Variants in SPIN1 observed in about 807,000 individuals in gnomAD.
The protein encoded by SPIN1 is spindlin-1.
In SPIN1, 3 loss-of-function variants were observed where a neutral mutation model predicts 26.0. That is an observed-to-expected ratio of 0.12 (90% CI 0.05 to 0.30). The LOEUF (loss-of-function observed/expected upper bound fraction) is 0.30. SPIN1 is among the 10% of genes least tolerant of loss of function. The pLI is 1.00. For missense variants in SPIN1, 126 were observed against 333.4 expected (o/e 0.38, Z 4.84); for synonymous variants, 101 against 116.5 (o/e 0.87, Z 0.86).
intron 1 of SPIN1, among the ~76,000 whole-genome samples, chr9:88,408,971 TTGTGTGTGTTTGTG>T (rs1460378133): frequency 1.6e-5 from 2 of 122,556 alleles, no homozygotes; most frequent in East Asian, 4.2e-4. Context: ...CCTTTTGTGT[TTGTGTGTGTTTGTG>T]TGTGTGTGTG....
chr9:88,425,988 T>C lies in SPIN1; in HGVS notation c.-158-394T>C, dbSNP rs183640552. 3.3e-5 allele frequency among the ~76,000 whole-genome samples: 5 copies of C among 152,306 alleles called. No homozygotes were observed. In the East Asian group the frequency reaches 7.7e-4, roughly 24 times the overall value. ...GTCTCCCACCCCCATACTCTGTTTCTTTGTGTCCCATTAGACAGATGGGCC... is the reference window on the plus strand; with the variant it reads ...GTCTCCCACCCCCATACTCTGTTTCCTTGTGTCCCATTAGACAGATGGGCC... On this transcript the variant is annotated intron_variant, in intron 1 of 5. Coordinates refer to ENST00000375859, the MANE Select transcript of SPIN1 (RefSeq NM_006717.3).
At chr9:88,428,917 A>G (rs1827811931) in intron 2 of SPIN1, among the ~76,000 whole-genome samples, 1 of 152,162 alleles carries the variant, frequency 6.6e-6, no homozygotes, top group South Asian at 2.1e-4. Context: ...TCTCTCTCAC[A>G]TAGGCTGGAG....
intron 4 of SPIN1, among the ~76,000 whole-genome samples, chr9:88,463,000 T>A (rs1381866923): frequency 1.3e-5 from 2 of 152,184 alleles, no homozygotes; most frequent in African/African-American, 2.4e-5. Flanking sequence ...TACGGTTATT[T>A]CTAACATTTT....
intron 3 of SPIN1, among the ~76,000 whole-genome samples, chr9:88,457,502 C>G (rs954578848): frequency 1.3e-5 from 2 of 151,964 alleles, no homozygotes; most frequent in African/African-American, 4.8e-5. Context: ...TATACTCCAG[C>G]CTGGGTGACT....
At chr9:88,459,668 C>T (rs1045869015) in intron 3 of SPIN1, among the ~76,000 whole-genome samples, 1 of 152,160 alleles carries the variant, frequency 6.6e-6, no homozygotes, top group African/African-American at 2.4e-5. Context: ...ATTGTCTCTC[C>T]TTGCCGCCAT....
At chr9:88,462,822 C>T in intron 4 of SPIN1, 73 bp downstream of exon 4, 1 of 1,447,064 alleles carries the variant, frequency 6.9e-7, no homozygotes, top group Non-Finnish European at 9.3e-7. Flanking sequence ...TTTTATTTTA[C>T]ATTATTAATA....
At chr9:88,437,233 C>T (rs1564032471) in intron 2 of SPIN1, among the ~76,000 whole-genome samples, 2 of 152,054 alleles carry the variant, frequency 1.3e-5, no homozygotes, top group African/African-American at 4.8e-5. Flanking sequence ...GGTGGTGGCT[C>T]ACACCTGTAA....
intron 1 of SPIN1, among the ~76,000 whole-genome samples, chr9:88,395,177 G>T (rs1201027775): frequency 6.6e-6 from 1 of 152,030 alleles, no homozygotes; most frequent in Non-Finnish European, 1.5e-5. Flanking sequence ...TCTGATCTGT[G>T]TTAAAAAGTT....
intron 2 of SPIN1, among the ~76,000 whole-genome samples, chr9:88,434,689 G>C (rs899100644): frequency 6.6e-6 from 1 of 152,028 alleles, no homozygotes; most frequent in African/African-American, 2.4e-5. Flanking sequence ...CCATTGTGTG[G>C]CTGTACCATA....
At chr9:88,395,450 G>A (rs981966686) in intron 1 of SPIN1, among the ~76,000 whole-genome samples, 3 of 151,922 alleles carry the variant, frequency 2.0e-5, no homozygotes, top group African/African-American at 7.2e-5. Context: ...TGAACATTTG[G>A]GTTGTTTATA....
At chr9:88,467,585 C>CA (rs1828695703) in intron 4 of SPIN1, among the ~76,000 whole-genome samples, 2 of 151,996 alleles carry the variant, frequency 1.3e-5, no homozygotes, top group Non-Finnish European at 2.9e-5. Context: ...AACGCATGAA[C>CA]AACAAGGAGG....
chr9:88,412,060 T>TC lies in SPIN1; in HGVS notation c.-158-14319dup. On this transcript the variant is annotated intron_variant, in intron 1 of 5. Transcript: ENST00000375859. The stretch of plus-strand genomic sequence containing the variant: ...TGGGCCTTGTGGTGGGCGCCTGTAG[T>TC]CCCAGCTACTCGGGAGGCTGAGGCA... Among the ~76,000 whole-genome samples the TC allele has an allele frequency of 2.0e-5, 3 of 150,940 alleles. 1 individual carries two copies. The Middle Eastern group carries it at 0.011, about 531-fold the overall frequency.
chr9:88,474,781 T>G (rs796538052), intron 5 of SPIN1, among the ~76,000 whole-genome samples: 19 of 152,256 alleles, frequency 1.2e-4, no homozygotes, highest in African/African-American at 4.6e-4. Flanking sequence ...AAAAAAAGTT[T>G]TATTATTGGA....
At chr9:88,471,673 A>AG (rs912660689) in intron 5 of SPIN1, among the ~76,000 whole-genome samples, 3 of 151,164 alleles carry the variant, frequency 2.0e-5, no homozygotes, top group Admixed American at 6.6e-5. Context: ...AAAAAAAAAA[A>AG]AAAAAAGAAA....
chr9:88,442,231 C>T (rs1828149346), intron 2 of SPIN1, among the ~76,000 whole-genome samples: 1 of 151,788 alleles, frequency 6.6e-6, no homozygotes, highest in African/African-American at 2.4e-5. Context: ...TTCTCCTTCC[C>T]TTTGAAGTAA....
At chr9:88,453,923 C>G (rs962476578) in intron 3 of SPIN1, among the ~76,000 whole-genome samples, 3 of 152,214 alleles carry the variant, frequency 2.0e-5, no homozygotes, top group Admixed American at 6.5e-5. Context: ...TGTAATTGTT[C>G]ACCATATACT....
At chr9:88,463,351 G>A (rs923195414) in intron 4 of SPIN1, among the ~76,000 whole-genome samples, 2 of 152,174 alleles carry the variant, frequency 1.3e-5, no homozygotes, top group Non-Finnish European at 2.9e-5. Flanking sequence ...TATTAGTAGG[G>A]TGGGATACAC....
At chr9:88,403,304 A>G (rs527628604) in intron 1 of SPIN1, among the ~76,000 whole-genome samples, 1 of 152,254 alleles carries the variant, frequency 6.6e-6, no homozygotes, top group East Asian at 1.9e-4. Context: ...TTGGTTATTG[A>G]AAGAGATGTA....
At chr9:88,430,995 G>A (rs547983173) in intron 2 of SPIN1, among the ~76,000 whole-genome samples, 39 of 150,706 alleles carry the variant, frequency 2.6e-4, no homozygotes, top group Non-Finnish European at 4.9e-4. Flanking sequence ...TGATTCTGCT[G>A]CCTCAGCCTC....
Sources: gnomAD v4.1 joint callset for allele counts (sites outside exome capture counted in the v4.1 genomes callset) on GRCh38, gnomAD v4.1.1 for gene constraint, MANE v1.5 for transcripts, NCBI Gene and HGNC (gene_info 2026-07-23, HGNC 2026-07-21) for gene names.